Variants in KIAA0232 observed in about 807,000 individuals in gnomAD.
The protein encoded by KIAA0232 is KIAA0232.
KIAA0232 carries 27 observed loss-of-function variants against 122.0 expected under a neutral mutation model. The ratio of observed to expected loss-of-function variants is 0.22; its 90% CI spans 0.16 to 0.31. The LOEUF is 0.31. KIAA0232 is among the 10% of genes least tolerant of loss of function. The probability of loss-of-function intolerance (pLI) is 1.00; values close to 1 mark genes in which losing one functional copy is unlikely to be tolerated. For missense variants in KIAA0232, 1,551 were observed against 1,634.2 expected (o/e 0.95, Z 0.88); for synonymous variants, 613 against 587.6 (o/e 1.04, Z -0.63).
At chr4:6,835,642 C>T (rs539447000) in intron 3 of KIAA0232, among the ~76,000 whole-genome samples, 77 of 152,246 alleles carry the variant, frequency 5.1e-4, no homozygotes, top group African/African-American at 1.6e-3. Flanking sequence ...AACAGGCCCC[C>T]GGTGTGTGAT....
At chr4:6,813,831 C>A (rs1717992785) in intron 2 of KIAA0232, among the ~76,000 whole-genome samples, 1 of 152,000 alleles carries the variant, frequency 6.6e-6, no homozygotes, top group Admixed American at 6.6e-5. Flanking sequence ...TCCTGGAGAC[C>A]CAAAGTGGCA....
intron 3 of KIAA0232, among the ~76,000 whole-genome samples, chr4:6,826,554 G>T (rs1298983121): frequency 6.7e-6 from 1 of 149,820 alleles, no homozygotes; most frequent in Non-Finnish European, 1.5e-5. Flanking sequence ...GCCCAGGCTG[G>T]AGTGCAGTGG....
chr4:6,818,395 G>A (rs1217037842), intron 2 of KIAA0232, among the ~76,000 whole-genome samples: 7 of 121,498 alleles, frequency 5.8e-5, no homozygotes, highest in Non-Finnish European at 1.0e-4. Context: ...GCAAGACTCC[G>A]TCTCAAAAAA....
At chr4:6,793,507 C>G (rs1716999078) in intron 1 of KIAA0232, among the ~76,000 whole-genome samples, 1 of 152,206 alleles carries the variant, frequency 6.6e-6, no homozygotes, top group African/African-American at 2.4e-5. Flanking sequence ...ATAGCTATCT[C>G]TGAGATTTCA....
intron 7 of KIAA0232, among the ~76,000 whole-genome samples, chr4:6,870,803 G>GAAA (rs11461019): frequency 1.4e-5 from 2 of 143,764 alleles, no homozygotes; most frequent in African/African-American, 2.5e-5. Context: ...CTCTGTCTTG[G>GAAA]AAAAAAAAAA....
At chr4:6,812,693 A>G (rs1023371433) in intron 2 of KIAA0232, among the ~76,000 whole-genome samples, 1 of 152,174 alleles carries the variant, frequency 6.6e-6, no homozygotes, top group Non-Finnish European at 1.5e-5. Flanking sequence ...GTACTAATAT[A>G]TATCGGCAAG....
chr4:6,816,309 G>C (rs190548382), intron 2 of KIAA0232, among the ~76,000 whole-genome samples: 16 of 148,968 alleles, frequency 1.1e-4, no homozygotes, highest in Non-Finnish European at 1.5e-4. Flanking sequence ...TTGAGACGGA[G>C]CCTCGCTCTG....
chr4:6,865,199 C>G (rs553355499), intron 7 of KIAA0232, among the ~76,000 whole-genome samples: 1 of 152,198 alleles, frequency 6.6e-6, no homozygotes, highest in Admixed American at 6.5e-5. Context: ...AGACAATAAA[C>G]TGTTTCACAA....
intron 5 of KIAA0232, among the ~76,000 whole-genome samples, chr4:6,857,836 T>G (rs1720642587): frequency 6.6e-6 from 1 of 152,212 alleles, no homozygotes; most frequent in African/African-American, 2.4e-5. Context: ...CCTTGTTTCC[T>G]TGCCCTCTTT....
At chr4:6,850,719 T>C (rs1195577008) in intron 4 of KIAA0232, among the ~76,000 whole-genome samples, 5 of 151,176 alleles carry the variant, frequency 3.3e-5, no homozygotes, top group Non-Finnish European at 7.4e-5. Context: ...CAGGCTGGAG[T>C]GCAGTGGCGT....
intron 8 of KIAA0232, among the ~76,000 whole-genome samples, chr4:6,873,857 T>C (rs940807313): frequency 6.6e-6 from 1 of 152,210 alleles, no homozygotes; most frequent in Admixed American, 6.5e-5. Flanking sequence ...CTTCTTTAGC[T>C]TATGTGGGTT....
At position 6,853,183 on chromosome 4, in the gene KIAA0232, T is replaced by A. The variant is rs148722695; in HGVS notation, c.370-3981T>A. On this transcript the variant is annotated intron_variant, in intron 4 of 9. Transcript: ENST00000307659. ...TCCAAAGATAGAAGTGTGGAAGATTTCTTAACGAGGAAGAGGTTGCTGGAA... is the reference window on the plus strand; with the variant it reads ...TCCAAAGATAGAAGTGTGGAAGATTACTTAACGAGGAAGAGGTTGCTGGAA... 2.5e-3 allele frequency among the ~76,000 whole-genome samples: 377 copies of A among 152,322 alleles called. 1 individual carries two copies. The highest frequency in any genetic ancestry group is 9.0e-3 in the African/African-American group (373 of 41,584).
intron 3 of KIAA0232, among the ~76,000 whole-genome samples, chr4:6,827,303 G>A (rs534375862): frequency 1.3e-5 from 2 of 152,166 alleles, no homozygotes; most frequent in Admixed American, 6.5e-5. Context: ...ATGTACTTAC[G>A]GTTTCCCCAG....
Position 6,862,224 on chromosome 4 carries a change from C to A in KIAA0232, c.1842C>A (p.Leu614=). 6.2e-7 allele frequency: 1 copy of A among 1,614,194 alleles called. No homozygotes were observed. Among genetic ancestry groups the A allele is most frequent in the South Asian group, 1.1e-5 (1 of 91,084 alleles). ...TTGGAGGAGACTCTCCAGTTAGACT[C>A]TCTCCCATCTTAGACAGCACAGTGC... ...ESFGGDSPVR[L]SPILDSTVLN... is the part of the protein sequence containing the mutation. The change falls in exon 7 of 10, where the codon CTC becomes CTA. Residue 614 remains leucine, a synonymous_variant. Transcript: ENST00000307659.
intron 3 of KIAA0232, among the ~76,000 whole-genome samples, chr4:6,836,309 T>C (rs1302737065): frequency 6.6e-6 from 1 of 151,940 alleles, no homozygotes; most frequent in Non-Finnish European, 1.5e-5. Flanking sequence ...CACTTTTTGA[T>C]GGGGTTGTTT....
rs1434153477 is a variant in KIAA0232, at chr4:6,882,188, G to A, written c.*1222G>A. ...CCACAGGCAGAGGCCAGGAGGAGCAGTATGTGCACAGCCGAAACATTTTAC... is the reference window on the plus strand; with the variant it reads ...CCACAGGCAGAGGCCAGGAGGAGCAATATGTGCACAGCCGAAACATTTTAC... On this transcript the variant is annotated 3_prime_UTR_variant, in exon 10 of 10. Transcript: ENST00000307659. 2 of 152,284 alleles carry A rather than the reference G, an allele frequency of 1.3e-5. No individual in the cohort carries two copies. Among genetic ancestry groups the A allele is most frequent in the Non-Finnish European group, 2.9e-5 (2 of 68,044 alleles). 9.4% of individuals were successfully genotyped at this position (152,284 alleles called of 1,614,324 possible). A position where few individuals can be genotyped will look rare whatever the true frequency, so the allele number is the denominator to read the frequency against.
chr4:6,829,779 A>G (rs927683499), intron 3 of KIAA0232, among the ~76,000 whole-genome samples: 4 of 152,264 alleles, frequency 2.6e-5, no homozygotes, highest in Non-Finnish European at 5.9e-5. Flanking sequence ...CTTCAGTAAC[A>G]TTATAACTTA....
intron 2 of KIAA0232, among the ~76,000 whole-genome samples, chr4:6,820,633 T>C (rs370682648): frequency 6.6e-6 from 1 of 151,894 alleles, no homozygotes; most frequent in Non-Finnish European, 1.5e-5. Flanking sequence ...GTTTTACTTA[T>C]ATGTATGTTA....
rs1364260962 is a variant in KIAA0232, at chr4:6,861,148, G to A, written c.766G>A (p.Glu256Lys). The change falls in exon 7 of 10, where the codon GAA becomes AAA. Residue 256 changes from glutamate (E) to lysine (K), a missense_variant. Glu to Lys is a moderately conservative substitution (Grantham distance 56, BLOSUM62 1). Around this residue, in one of 5 missense-constraint regions of KIAA0232, gnomAD observed 377 missense variants for 381.7 expected, o/e 0.99. Coordinates refer to ENST00000307659, the MANE Select transcript of KIAA0232 (RefSeq NM_014743.3). ...KTQSKSKNEK[E>K]NKFSNGTIEE... ...CCAGAGCAAAAGCAAAAACGAGAAGGAAAACAAATTTAGTAATGGCACAAT... is the reference window on the plus strand; with the variant it reads ...CCAGAGCAAAAGCAAAAACGAGAAGAAAAACAAATTTAGTAATGGCACAAT... The A allele has an allele frequency of 6.2e-7, 1 of 1,614,050 alleles. No homozygotes were observed. The highest frequency in any genetic ancestry group is 8.5e-7 in the Non-Finnish European group (1 of 1,180,044).
Sources: gnomAD v4.1 joint callset for allele counts (sites outside exome capture counted in the v4.1 genomes callset) on GRCh38, gnomAD v4.1.1 for gene constraint, gnomAD v4.1.1 regional missense constraint, MANE v1.5 for transcripts, NCBI Gene and HGNC (gene_info 2026-07-23, HGNC 2026-07-21) for gene names.